SMARCA2: variants seen among roughly 807,000 people sequenced by gnomAD.
SMARCA2 encodes SWI/SNF related BAF chromatin remodeling complex subunit ATPase 2.
A neutral mutation model predicts 199.8 loss-of-function variants in SMARCA2; 61 were observed. That is an observed-to-expected ratio of 0.31 (90% CI 0.25 to 0.38). The LOEUF (loss-of-function observed/expected upper bound fraction) is 0.38, where lower values mean the gene tolerates loss of function less well. Ranked by LOEUF, SMARCA2 falls within the 10% of genes least tolerant of loss-of-function variation. The pLI, the probability that SMARCA2 is intolerant of heterozygous loss-of-function variation, is 1.00. For missense variants in SMARCA2, 1,344 were observed against 2,012.2 expected (o/e 0.67, Z 6.35); for synonymous variants, 935 against 732.0 (o/e 1.28, Z -4.48).
chr9:2,121,924 T>C (rs921575191), intron 26 of SMARCA2, among the ~76,000 whole-genome samples: 10 of 152,328 alleles, frequency 6.6e-5, no homozygotes, highest in African/African-American at 2.4e-4. Context: ...AAACTAATTG[T>C]ACTTGTAAGC....
chr9:2,029,359 T>C, intron 2 of SMARCA2, 112 bp downstream of exon 2: 2 of 1,424,100 alleles, frequency 1.4e-6, no homozygotes, highest in Non-Finnish European at 1.9e-6. Context: ...ATGCAAGATC[T>C]TTGTCTTGTA....
At chr9:2,050,272 G>A (rs1364574090) in intron 5 of SMARCA2, among the ~76,000 whole-genome samples, 1 of 151,074 alleles carries the variant, frequency 6.6e-6, no homozygotes, top group East Asian at 1.9e-4. Flanking sequence ...TCTTATAATG[G>A]AACTTTATTA....
intron 27 of SMARCA2, among the ~76,000 whole-genome samples, chr9:2,156,571 C>G (rs1019115293): frequency 7.2e-5 from 11 of 151,896 alleles, no homozygotes; most frequent in African/African-American, 2.4e-4. Context: ...GGTGGGATTA[C>G]AGGGCATGCG....
At chr9:2,066,809 A>C (rs1231553881) in intron 9 of SMARCA2, among the ~76,000 whole-genome samples, 1 of 152,248 alleles carries the variant, frequency 6.6e-6, no homozygotes, top group Non-Finnish European at 1.5e-5. Context: ...ACGCTGTAGC[A>C]GCTGCTGCAT....
intron 28 of SMARCA2, among the ~76,000 whole-genome samples, chr9:2,162,185 C>CCAT (rs1452895096): frequency 6.6e-6 from 1 of 151,950 alleles, no homozygotes; most frequent in Non-Finnish European, 1.5e-5. Context: ...CTCTGAAATA[C>CCAT]CATCTGAAAA....
chr9:2,175,543 C>T (rs1826524199), intron 29 of SMARCA2, among the ~76,000 whole-genome samples: 1 of 152,156 alleles, frequency 6.6e-6, no homozygotes, highest in Non-Finnish European at 1.5e-5. Flanking sequence ...GTAAAACGTG[C>T]TGCTTATGGT....
intron 29 of SMARCA2, among the ~76,000 whole-genome samples, chr9:2,174,383 GA>G (rs1006803122): frequency 3.2e-4 from 48 of 152,146 alleles, no homozygotes; most frequent in African/African-American, 3.9e-4. Context: ...ATTAATGGGG[GA>G]AAAAAATCTG....
chr9:2,019,483 G>A (rs1233146345), intron 1 of SMARCA2, among the ~76,000 whole-genome samples: 2 of 147,298 alleles, frequency 1.4e-5, no homozygotes, highest in Admixed American at 1.3e-4. Flanking sequence ...CAACACCTGA[G>A]GCTTAGAATT....
rs1563737327 is a variant in SMARCA2, at chr9:2,056,832, G to A, written c.1334G>A (p.Arg445His). 2.5e-6 allele frequency: 4 copies of A among 1,613,480 alleles called. No individual in the cohort carries two copies. The highest frequency in any genetic ancestry group is 1.7e-4 in the Middle Eastern group (1 of 6,058). ...QQKIEQERKR[R>H]QKHQEYLNSI... The stretch of plus-strand genomic sequence containing the variant: ...AAGATTGAGCAGGAGAGGAAACGCC[G>A]TCAGAAACACCAGGTTCTTAGACCC... The change falls in exon 7 of 34, where the codon CGT becomes CAT. Residue 445 changes from arginine (R) to histidine (H), a missense_variant. Around this residue, in one of 18 missense-constraint regions of SMARCA2, gnomAD observed 155 missense variants for 260.0 expected, o/e 0.60. Transcript: ENST00000349721. The surrounding 1 kb of genome is among the most constrained non-coding windows in gnomAD (Gnocchi z 4.0).
chr9:2,093,124 G>A (rs571356098), intron 19 of SMARCA2, among the ~76,000 whole-genome samples: 3 of 152,290 alleles, frequency 2.0e-5, no homozygotes, highest in Admixed American at 2.0e-4. Flanking sequence ...CAACAGACTT[G>A]GCTGTGGAGA....
At chr9:2,091,665 A>T (rs1822067988) in intron 19 of SMARCA2, among the ~76,000 whole-genome samples, 1 of 152,192 alleles carries the variant, frequency 6.6e-6, no homozygotes, top group Non-Finnish European at 1.5e-5. Context: ...ATAGATTTGT[A>T]AGAAACTTCT....
At chr9:2,131,032 C>G (rs2130650905) in intron 27 of SMARCA2, among the ~76,000 whole-genome samples, 1 of 152,318 alleles carries the variant, frequency 6.6e-6, no homozygotes, top group Non-Finnish European at 1.5e-5. Flanking sequence ...CTTCCTGTTC[C>G]TTTGCTCTTT....
At chr9:2,067,513 G>GC (rs144654518) in intron 9 of SMARCA2, among the ~76,000 whole-genome samples, 1 of 152,102 alleles carries the variant, frequency 6.6e-6, no homozygotes, top group African/African-American at 2.4e-5. Context: ...ATTGAGGCTG[G>GC]CAGCATATAT....
intron 4 of SMARCA2, chr9:2,043,399 T>C (rs747852753): frequency 2.6e-5 from 4 of 152,206 alleles, no homozygotes; most frequent in Non-Finnish European, 5.9e-5. Flanking sequence ...TTGCCTGCTG[T>C]GGGCACCGCT....
chr9:2,125,339 A>G (rs1190586827), intron 27 of SMARCA2, among the ~76,000 whole-genome samples: 1 of 152,138 alleles, frequency 6.6e-6, no homozygotes, highest in Non-Finnish European at 1.5e-5. Context: ...CACTATTGAG[A>G]TTATAGTTAT....
intron 27 of SMARCA2, among the ~76,000 whole-genome samples, chr9:2,128,849 G>C (rs531870037): frequency 6.6e-6 from 1 of 152,124 alleles, no homozygotes; most frequent in Non-Finnish European, 1.5e-5. Context: ...TCTGAAGGGG[G>C]AGTATTGCAT....
intron 12 of SMARCA2, 135 bp downstream of exon 12, chr9:2,073,758 G>A: frequency 4.5e-6 from 3 of 663,100 alleles, no homozygotes; most frequent in Non-Finnish European, 2.6e-6. Context: ...TGACAGCTGG[G>A]GCTAAGGATT....
intron 3 of SMARCA2, among the ~76,000 whole-genome samples, chr9:2,036,570 A>G (rs1321664488): frequency 6.6e-6 from 1 of 152,166 alleles, no homozygotes; most frequent in African/African-American, 2.4e-5. Context: ...TAGAAATAAA[A>G]ATCTCTATTT....
At chr9:2,183,477 G>T (rs75181026) in intron 31 of SMARCA2, among the ~76,000 whole-genome samples, 2,370 of 152,232 alleles carry the variant, frequency 0.016, 45 homozygotes, top group African/African-American at 0.053. Flanking sequence ...CTTTTTTCCT[G>T]TCTGTATCTC....
Sources: gnomAD v4.1 joint callset for allele counts (sites outside exome capture counted in the v4.1 genomes callset) on GRCh38, gnomAD v4.1.1 for gene constraint, gnomAD v4.1.1 regional missense constraint, Gnocchi (gnomAD v3.1) non-coding constraint, MANE v1.5 for transcripts, NCBI Gene and HGNC (gene_info 2026-07-23, HGNC 2026-07-21) for gene names.